Variants in PLEKHA7 observed in about 807,000 individuals in gnomAD.
PLEKHA7 encodes the protein pleckstrin homology domain containing A7.
PLEKHA7 carries 104 observed loss-of-function variants against 170.0 expected under a neutral mutation model. That is an observed-to-expected ratio of 0.61 (90% CI 0.52 to 0.72). The LOEUF is 0.72. Among genes scored for constraint, PLEKHA7 ranks in the 30% least tolerant of loss-of-function variants. The pLI, the probability that PLEKHA7 is intolerant of heterozygous loss-of-function variation, is 0.00. For missense variants in PLEKHA7, 1,615 were observed against 1,671.7 expected (o/e 0.97, Z 0.59); for synonymous variants, 648 against 660.8 (o/e 0.98, Z 0.30).
In PLEKHA7 at chr11:16,789,809, C is replaced by A; in HGVS notation, c.3122G>T (p.Gly1041Val). 1 of 1,614,098 alleles carries A rather than the reference C, an allele frequency of 6.2e-7. No individual in the cohort carries two copies. The highest frequency in any genetic ancestry group is 1.1e-5 in the South Asian group (1 of 91,082). Reference sequence around the variant, plus strand: ...CGCCTTGCTGCTTTCGGCATTGAGACCCCTCCGGAGTGTGACGTAGGGAGC... The same window carrying A: ...CGCCTTGCTGCTTTCGGCATTGAGAACCCTCCGGAGTGTGACGTAGGGAGC... ...TIAPYVTLRR[G>V]LNAESSKATF... The change falls in exon 22 of 27, where the codon GGT becomes GTT. Residue 1041 changes from glycine to valine, a missense_variant. Gly to Val is a moderately radical substitution (Grantham distance 109, BLOSUM62 -3). Coordinates refer to ENST00000531066, the MANE Select transcript of PLEKHA7 (RefSeq NM_001329630.2). This position sits in a 1 kb window ranked among gnomAD's most constrained non-coding sequence, Gnocchi z 4.6.
chr11:16,855,293 G>A (rs1031704512), intron 5 of PLEKHA7, among the ~76,000 whole-genome samples: 4 of 152,118 alleles, frequency 2.6e-5, no homozygotes, highest in African/African-American at 9.7e-5. Flanking sequence ...TGGCTTTCTG[G>A]AGCAAAGCTA....
chr11:16,824,782 T>G (rs1489954659), intron 10 of PLEKHA7, among the ~76,000 whole-genome samples: 1 of 152,178 alleles, frequency 6.6e-6, no homozygotes, highest in Non-Finnish European at 1.5e-5. Context: ...CAAATAAAAT[T>G]CAAATGCCTT....
intron 3 of PLEKHA7, among the ~76,000 whole-genome samples, chr11:16,945,611 C>T (rs977667726): frequency 2.6e-5 from 4 of 152,150 alleles, no homozygotes; most frequent in Non-Finnish European, 5.9e-5. Flanking sequence ...ATCAGCCAGG[C>T]AAATAGAAGC....
intron 3 of PLEKHA7, among the ~76,000 whole-genome samples, chr11:16,893,961 G>C (rs767632278): frequency 3.9e-4 from 60 of 152,230 alleles, no homozygotes; most frequent in Non-Finnish European, 7.6e-4. Flanking sequence ...ATGCTGTACT[G>C]AATCAGGTTA....
intron 3 of PLEKHA7, among the ~76,000 whole-genome samples, chr11:16,892,959 G>A (rs1856762882): frequency 6.6e-6 from 1 of 152,154 alleles, no homozygotes; most frequent in African/African-American, 2.4e-5. Flanking sequence ...CTCACATAGT[G>A]GAAGGTGTAA....
At chr11:16,818,459 C>T (rs1849945072) in intron 10 of PLEKHA7, among the ~76,000 whole-genome samples, 1 of 152,238 alleles carries the variant, frequency 6.6e-6, no homozygotes, top group African/African-American at 2.4e-5. Flanking sequence ...CCAAGTCTTA[C>T]TCATTCTCTA....
intron 3 of PLEKHA7, chr11:17,012,998 C>G (rs896465091): frequency 1.1e-5 from 1 of 89,710 alleles, no homozygotes; most frequent in Non-Finnish European, 2.5e-5. Context: ...TCACAGTCGC[C>G]GAGGTACACC....
intron 10 of PLEKHA7, among the ~76,000 whole-genome samples, chr11:16,824,575 T>C (rs1199375646): frequency 1.3e-5 from 2 of 152,220 alleles, no homozygotes; most frequent in African/African-American, 2.4e-5. Context: ...TCATCCCGCA[T>C]TCGAATTCAC....
intron 3 of PLEKHA7, among the ~76,000 whole-genome samples, chr11:16,944,565 A>G (rs1260646062): frequency 6.6e-6 from 1 of 151,424 alleles, no homozygotes; most frequent in Non-Finnish European, 1.5e-5. Context: ...AAAAAATTCA[A>G]TGTGCAAAAA....
chr11:16,900,911 T>C (rs1003006714), intron 3 of PLEKHA7, among the ~76,000 whole-genome samples: 9 of 151,910 alleles, frequency 5.9e-5, no homozygotes, highest in African/African-American at 2.2e-4. Context: ...AGTGGCGCGA[T>C]CTCAGCTCAT....
intron 13 of PLEKHA7, chr11:16,812,364 C>T (rs1409632462): frequency 6.6e-6 from 1 of 152,246 alleles, no homozygotes; most frequent in Non-Finnish European, 1.5e-5. Flanking sequence ...CGCCACCCCT[C>T]GTGGCAGTCA....
At chr11:16,838,693 CTTTTT>C (rs869209891) in intron 9 of PLEKHA7, among the ~76,000 whole-genome samples, 2 of 107,862 alleles carry the variant, frequency 1.9e-5, no homozygotes, top group East Asian at 2.8e-4. Flanking sequence ...ACACAGTTTT[CTTTTT>C]TTTTTTTTTT....
intron 3 of PLEKHA7, among the ~76,000 whole-genome samples, chr11:16,899,991 G>C (rs1488269789): frequency 2.0e-5 from 3 of 152,112 alleles, no homozygotes; most frequent in Non-Finnish European, 4.4e-5. Context: ...GATAAGGTGT[G>C]GGGGGCAGGC....
chr11:16,821,900 A>C (rs1225134330), intron 10 of PLEKHA7, among the ~76,000 whole-genome samples: 2 of 152,094 alleles, frequency 1.3e-5, no homozygotes, highest in Non-Finnish European at 2.9e-5. Flanking sequence ...ACTGGAATGA[A>C]ATTCCTCTCA....
chr11:16,839,540 T>C (rs1851791797), intron 9 of PLEKHA7, among the ~76,000 whole-genome samples: 1 of 151,550 alleles, frequency 6.6e-6, no homozygotes, highest in Non-Finnish European at 1.5e-5. Context: ...TATCCATGGA[T>C]TCAACCAACC....
intron 3 of PLEKHA7, among the ~76,000 whole-genome samples, chr11:16,941,171 A>G (rs1412139283): frequency 1.3e-5 from 2 of 152,052 alleles, no homozygotes; most frequent in Non-Finnish European, 2.9e-5. Flanking sequence ...AAAAATGGGT[A>G]CCCCTCCCTA....
At chr11:16,886,546 A>C (rs1856119637) in intron 3 of PLEKHA7, among the ~76,000 whole-genome samples, 1 of 152,128 alleles carries the variant, frequency 6.6e-6, no homozygotes, top group Admixed American at 6.5e-5. Context: ...CCCCATCTCT[A>C]CTAAAAATAC....
intron 3 of PLEKHA7, among the ~76,000 whole-genome samples, chr11:16,929,917 T>C (rs1859809113): frequency 6.6e-6 from 1 of 151,998 alleles, no homozygotes; most frequent in Admixed American, 6.6e-5. Flanking sequence ...GGCAGGAGAA[T>C]CACTCGAACC....
intron 3 of PLEKHA7, among the ~76,000 whole-genome samples, chr11:16,889,822 C>T (rs186802886): frequency 6.6e-6 from 1 of 152,194 alleles, no homozygotes; most frequent in Admixed American, 6.5e-5. Context: ...AGATGCATTA[C>T]AAGAAGAATC....
Sources: allele counts gnomAD v4.1 joint callset (sites outside exome capture counted in the v4.1 genomes callset), GRCh38; gene constraint gnomAD v4.1.1; non-coding constraint Gnocchi (gnomAD v3.1); transcripts MANE v1.5; gene names NCBI Gene and HGNC (gene_info 2026-07-23, HGNC 2026-07-21).